PPP2R2B: variants seen among roughly 807,000 people sequenced by gnomAD.
The protein encoded by PPP2R2B is serine/threonine-protein phosphatase 2A 55 kDa regulatory subunit B beta isoform.
Under a neutral mutation model 46.0 loss-of-function variants are expected in PPP2R2B, and 5 were observed. The ratio of observed to expected loss-of-function variants is 0.11; its 90% confidence interval spans 0.06 to 0.23. The LOEUF (loss-of-function observed/expected upper bound fraction) is 0.23, where lower values mean the gene tolerates loss of function less well. PPP2R2B is among the 10% of genes least tolerant of loss of function. The probability of loss-of-function intolerance (pLI) is 1.00; values close to 1 mark genes in which losing one functional copy is unlikely to be tolerated. For synonymous variants in PPP2R2B, 215 were observed against 206.7 expected (o/e 1.04, Z -0.34); for missense variants, 367 against 575.0 (o/e 0.64, Z 3.70).
rs568639117 is a variant in PPP2R2B, at chr5:146,960,535, G to A, written c.79+95130C>T. Among the ~76,000 whole-genome samples the A allele has an allele frequency of 3.3e-5, 5 of 152,160 alleles. No homozygotes were observed. The South Asian group carries it at 1.0e-3, about 32-fold the overall frequency. Reference sequence around the variant, plus strand: ...AAACTCCTGAACTCGTGATCCACCCGCCTCAGCCTCCCAAAGTGCAAGATC... The same window carrying A: ...AAACTCCTGAACTCGTGATCCACCCACCTCAGCCTCCCAAAGTGCAAGATC... On this transcript the variant is annotated intron_variant, in intron 1 of 8. Coordinates refer to the PPP2R2B transcript ENST00000336640.
intron 1 of PPP2R2B, among the ~76,000 whole-genome samples, chr5:146,947,761 C>T (rs1022950778): frequency 6.6e-6 from 1 of 151,866 alleles, no homozygotes; most frequent in African/African-American, 2.4e-5. Context: ...CCATCTACCA[C>T]TTCCTTCTTT....
At chr5:146,773,582 A>C (rs1390769029) in intron 2 of PPP2R2B, among the ~76,000 whole-genome samples, 1 of 152,226 alleles carries the variant, frequency 6.6e-6, no homozygotes, top group African/African-American at 2.4e-5. Context: ...ATTGTCTGAC[A>C]GATTATAGGG....
intron 2 of PPP2R2B, among the ~76,000 whole-genome samples, chr5:147,069,783 C>CTGTTTTTTTTTTTTTTTTTTTTT (rs1757521655): frequency 2.1e-5 from 1 of 48,436 alleles, no homozygotes; most frequent in African/African-American, 8.9e-5. Flanking sequence ...ACATTTTATA[C>CTGTTTTTTTTTTTTTTTTTTTTT]TGTTTTTTTT....
At chr5:146,948,074 A>T (rs566000488) in intron 1 of PPP2R2B, among the ~76,000 whole-genome samples, 5 of 151,928 alleles carry the variant, frequency 3.3e-5, no homozygotes, top group Non-Finnish European at 7.4e-5. Context: ...AAAACTTGCC[A>T]TGCTGTGTTC....
chr5:146,684,491 C>T (rs1469701874), intron 5 of PPP2R2B, among the ~76,000 whole-genome samples: 1 of 152,158 alleles, frequency 6.6e-6, no homozygotes, highest in Non-Finnish European at 1.5e-5. Context: ...CTGTGTGATC[C>T]TGATTAGATA....
At chr5:146,900,324 A>G (rs1021451949) in intron 1 of PPP2R2B, among the ~76,000 whole-genome samples, 1 of 152,166 alleles carries the variant, frequency 6.6e-6, no homozygotes, top group African/African-American at 2.4e-5. Context: ...ACACAAAGAC[A>G]GGCCAGCTCA....
At chr5:146,684,140 C>A (rs1778347556) in intron 5 of PPP2R2B, among the ~76,000 whole-genome samples, 1 of 152,076 alleles carries the variant, frequency 6.6e-6, no homozygotes, top group East Asian at 1.9e-4. Flanking sequence ...TTATATGCAA[C>A]AAATGTAAGG....
At chr5:146,659,772 T>C (rs749314077) in intron 5 of PPP2R2B, among the ~76,000 whole-genome samples, 1 of 152,190 alleles carries the variant, frequency 6.6e-6, no homozygotes, top group Non-Finnish European at 1.5e-5. Flanking sequence ...AGGGGTAGAA[T>C]TGTCCCTGGA....
At position 146,645,735 on chromosome 5, in the gene PPP2R2B, A is replaced by G. The variant is rs112821509; in HGVS notation, c.625+4812T>C. Among the ~76,000 whole-genome samples, 706 of 152,350 alleles carry G rather than the reference A, an allele frequency of 4.6e-3. 5 individuals are homozygous for G. The highest frequency in any genetic ancestry group is 0.015 in the African/African-American group (636 of 41,582). Reference sequence around the variant, plus strand: ...TTAGGACCAAGGTCAAAGTTGAAGTATCCCTAGAGTCCAGCTGGCTTCTCC... The same window carrying G: ...TTAGGACCAAGGTCAAAGTTGAAGTGTCCCTAGAGTCCAGCTGGCTTCTCC... On this transcript the variant is annotated intron_variant, in intron 6 of 9. Coordinates refer to ENST00000394411, the MANE Select transcript of PPP2R2B (RefSeq NM_181675.4).
At chr5:146,788,551 C>T (rs1041780189) in intron 2 of PPP2R2B, among the ~76,000 whole-genome samples, 20 of 152,042 alleles carry the variant, frequency 1.3e-4, no homozygotes, top group African/African-American at 3.1e-4. Flanking sequence ...GCCAACAAGA[C>T]GAAACCCCGT....
intron 2 of PPP2R2B, among the ~76,000 whole-genome samples, chr5:147,078,516 G>A (rs528117135): frequency 6.6e-5 from 10 of 152,150 alleles, no homozygotes; most frequent in East Asian, 1.9e-4. Context: ...GGCCAGGCGC[G>A]GTGGCTCACG....
At chr5:146,904,542 T>C (rs569916869) in intron 1 of PPP2R2B, among the ~76,000 whole-genome samples, 5 of 152,292 alleles carry the variant, frequency 3.3e-5, no homozygotes, top group African/African-American at 9.6e-5. Flanking sequence ...TCCTAAAGTA[T>C]AGCCCAGAGA....
intron 2 of PPP2R2B, among the ~76,000 whole-genome samples, chr5:146,727,336 T>G (rs1751940828): frequency 6.6e-6 from 1 of 152,048 alleles, no homozygotes; most frequent in South Asian, 2.1e-4. Context: ...ATTTTATTTT[T>G]AATTGATGAA....
rs561674401 is a variant in PPP2R2B, at chr5:147,052,345, T to C, written c.79+3320A>G. 3.0e-4 allele frequency among the ~76,000 whole-genome samples: 45 copies of C among 152,324 alleles called. No individual in the cohort carries two copies. In the Middle Eastern group the frequency reaches 0.01, roughly 35 times the overall value. On this transcript the variant is annotated intron_variant, in intron 1 of 8. Transcript: ENST00000336640. ...TCAACAAAAATTTACTAAGCACCTA[T>C]AATGTGCCTGGTATTGTTCTGGTTC...
upstream of PPP2R2B, among the ~76,000 whole-genome samples, chr5:147,060,561 G>A (rs569177217): frequency 1.5e-3 from 235 of 152,274 alleles, 1 homozygote; most frequent in African/African-American, 5.1e-3. Context: ...CTGGGAGGTT[G>A]AGGCTGCCGT....
At chr5:146,820,058 A>T (rs113230546) in intron 2 of PPP2R2B, among the ~76,000 whole-genome samples, 22 of 152,284 alleles carry the variant, frequency 1.4e-4, no homozygotes, top group African/African-American at 5.1e-4. Flanking sequence ...TGGTTACCAG[A>T]AATAGGGGAT....
At chr5:146,885,492 A>G (rs989710521) in intron 1 of PPP2R2B, among the ~76,000 whole-genome samples, 2 of 152,252 alleles carry the variant, frequency 1.3e-5, no homozygotes, top group Non-Finnish European at 2.9e-5. Flanking sequence ...AGGATGTGGC[A>G]AAAATCAGAA....
chr5:146,783,904 T>C (rs1755685022), intron 2 of PPP2R2B, among the ~76,000 whole-genome samples: 1 of 152,222 alleles, frequency 6.6e-6, no homozygotes. Flanking sequence ...TATTAACTTA[T>C]CACATTAGAA....
At chr5:147,038,361 C>T (rs796457090) in intron 1 of PPP2R2B, among the ~76,000 whole-genome samples, 4 of 151,872 alleles carry the variant, frequency 2.6e-5, no homozygotes, top group African/African-American at 9.7e-5. Flanking sequence ...ATATAGTGTC[C>T]CCTGGGGATT....
Sources: gnomAD v4.1 joint callset for allele counts (sites outside exome capture counted in the v4.1 genomes callset) on GRCh38, gnomAD v4.1.1 for gene constraint, MANE v1.5 for transcripts, NCBI Gene and HGNC (gene_info 2026-07-23, HGNC 2026-07-21) for gene names.